Variants in CPEB4 observed in about 807,000 individuals in gnomAD.
CPEB4 encodes the protein cytoplasmic polyadenylation element-binding protein 4.
Under a neutral mutation model 72.5 loss-of-function variants are expected in CPEB4, and 12 were observed. That is an observed-to-expected ratio of 0.17 (90% CI 0.11 to 0.27). CPEB4 has a LOEUF of 0.27. Ranked by LOEUF, CPEB4 falls within the 10% of genes least tolerant of loss-of-function variation. CPEB4 has a pLI of 1.00. For missense variants in CPEB4, 614 were observed against 908.5 expected, an observed-to-expected ratio of 0.68 and a Z score of 4.17; for synonymous variants, 302 against 326.3, an observed-to-expected ratio of 0.93 and a Z score of 0.80.
At position 173,900,486 on chromosome 5, in the gene CPEB4, G is replaced by C. The variant is rs2113143877; in HGVS notation, c.1125+9628G>C. Among the ~76,000 whole-genome samples the C allele has an allele frequency of 6.6e-6, 1 of 152,192 alleles. No homozygotes were observed. Among genetic ancestry groups the C allele is most frequent in the East Asian group, 1.9e-4 (1 of 5,174 alleles). On this transcript the variant is annotated intron_variant, in intron 1 of 9. Transcript: ENST00000265085. The surrounding 1 kb of genome is among the most constrained non-coding windows in gnomAD (Gnocchi z 4.4). ...CCTGCTCAGACCTAGCAGACATGGA[G>C]AACAGGAACTCTAACAGCCAGTTGA...
chr5:173,951,747 T>C, intron 7 of CPEB4, 77 bp from the exon 8 acceptor site: 2 of 804,092 alleles, frequency 2.5e-6, no homozygotes, highest in Non-Finnish European at 4.4e-6. Flanking sequence ...TAAAAATACT[T>C]TGTAATAATT....
chr5:173,948,148 C>T (rs909496802), intron 5 of CPEB4, among the ~76,000 whole-genome samples: 1 of 152,148 alleles, frequency 6.6e-6, no homozygotes, highest in African/African-American at 2.4e-5. Flanking sequence ...ATGGAAAACT[C>T]TTCTACTGCA....
At chr5:173,951,748 T>C in intron 7 of CPEB4, 76 bp from the exon 8 acceptor site, 2 of 807,870 alleles carry the variant, frequency 2.5e-6, no homozygotes, top group South Asian at 1.4e-5. Flanking sequence ...AAAAATACTT[T>C]GTAATAATTG....
intron 1 of CPEB4, among the ~76,000 whole-genome samples, chr5:173,896,342 CA>C (rs1174970471): frequency 1.3e-5 from 2 of 152,054 alleles, no homozygotes; most frequent in African/African-American, 4.8e-5. Context: ...TATGTTTTAC[CA>C]TGATAAATTT....
chr5:173,901,504 C>T (rs76870334), intron 1 of CPEB4, among the ~76,000 whole-genome samples: 2 of 152,310 alleles, frequency 1.3e-5, no homozygotes, highest in East Asian at 1.9e-4. Flanking sequence ...TGCTCGTTGT[C>T]TTCATTCAGG....
At chr5:173,953,429 A>G in intron 9 of CPEB4, 157 bp downstream of exon 9, 2 of 470,078 alleles carry the variant, frequency 4.3e-6, no homozygotes, top group Non-Finnish European at 7.3e-6. Context: ...ATAATGTCCT[A>G]TGAATTTCTT....
At chr5:173,951,639 G>A (rs981566744) in intron 7 of CPEB4, among the ~76,000 whole-genome samples, 185 bp from the exon 8 acceptor site, 10 of 152,162 alleles carry the variant, frequency 6.6e-5, no homozygotes, top group African/African-American at 2.4e-4. Context: ...CCTTGGTTTA[G>A]TTTACTTCTA....
At chr5:173,929,003 A>G (rs1041563294) in intron 2 of CPEB4, among the ~76,000 whole-genome samples, 4 of 152,252 alleles carry the variant, frequency 2.6e-5, no homozygotes, top group Non-Finnish European at 4.4e-5. Flanking sequence ...ACTAGAGACC[A>G]CAATTGATTC....
intron 3 of CPEB4, among the ~76,000 whole-genome samples, chr5:173,934,806 G>A (rs945569564): frequency 3.9e-5 from 6 of 152,192 alleles, no homozygotes; most frequent in Non-Finnish European, 7.3e-5. Context: ...GGGAGGAGAG[G>A]TGTTGAGAAT....
intron 1 of CPEB4, among the ~76,000 whole-genome samples, chr5:173,903,185 C>T (rs1756303584): frequency 6.6e-6 from 1 of 152,142 alleles, no homozygotes; most frequent in African/African-American, 2.4e-5. Flanking sequence ...AGCCACTCAC[C>T]TCTTGATGCT....
intron 2 of CPEB4, among the ~76,000 whole-genome samples, chr5:173,917,584 G>C (rs950088681): frequency 2.0e-5 from 3 of 152,176 alleles, no homozygotes; most frequent in African/African-American, 7.2e-5. Flanking sequence ...AAATTAGCAG[G>C]GCGCGGTAGC....
At chr5:173,921,206 CTGTTTTA>C (rs1757061575) in intron 2 of CPEB4, among the ~76,000 whole-genome samples, 1 of 151,596 alleles carries the variant, frequency 6.6e-6, no homozygotes, top group African/African-American at 2.4e-5. Context: ...TGTTTTTGTT[CTGTTTTA>C]CTTAGGGTAG....
intron 2 of CPEB4, chr5:173,918,120 AT>A (rs1756943696): frequency 6.6e-6 from 1 of 152,254 alleles, no homozygotes; most frequent in East Asian, 1.9e-4. Flanking sequence ...GTGTGTGGCT[AT>A]GTAGGAATGA....
chr5:173,931,704 A>G (rs957025732), intron 2 of CPEB4, among the ~76,000 whole-genome samples: 8 of 152,228 alleles, frequency 5.3e-5, no homozygotes, highest in African/African-American at 1.9e-4. Flanking sequence ...AACTCTTCCA[A>G]AACAGAAATG....
rs1247217593 is a variant in CPEB4, at chr5:173,911,713, T to A, written c.1207+1109T>A. On this transcript the variant is annotated intron_variant, in intron 2 of 9. Coordinates refer to ENST00000265085, the MANE Select transcript of CPEB4 (RefSeq NM_030627.4). ...TTTTTTTTTTTTTTTTTAAGAAACTTAGAATGTTTGGTATATTTGGTCATC... is the reference window on the plus strand; with the variant it reads ...TTTTTTTTTTTTTTTTTAAGAAACTAAGAATGTTTGGTATATTTGGTCATC... 2.1e-5 allele frequency among the ~76,000 whole-genome samples: 3 copies of A among 140,194 alleles called. No homozygotes were observed. In the East Asian group the frequency reaches 6.2e-4, roughly 29 times the overall value. 92.0% of individuals were successfully genotyped at this position (140,194 alleles called of 152,430 possible).
chr5:173,953,343 C>T (rs969518), intron 9 of CPEB4, 71 bp downstream of exon 9: 665,394 of 1,209,040 alleles, frequency 0.55, 186,197 homozygotes, highest in South Asian at 0.6. Context: ...AATATTAGAA[C>T]GGGAGCATTT....
chr5:173,933,458 A>G (rs531127066), intron 3 of CPEB4, among the ~76,000 whole-genome samples: 1 of 152,312 alleles, frequency 6.6e-6, no homozygotes, highest in Non-Finnish European at 1.5e-5. Context: ...ATGTTTGAGA[A>G]TTGCTGGGTA....
intron 3 of CPEB4, among the ~76,000 whole-genome samples, chr5:173,934,800 G>A (rs1474122903): frequency 1.3e-5 from 2 of 152,194 alleles, no homozygotes; most frequent in Admixed American, 1.3e-4. Flanking sequence ...TAGGTAGGGA[G>A]GAGAGGTGTT....
At chr5:173,897,918 A>G (rs1294749394) in intron 1 of CPEB4, among the ~76,000 whole-genome samples, 1 of 152,214 alleles carries the variant, frequency 6.6e-6, no homozygotes, top group African/African-American at 2.4e-5. Flanking sequence ...GTACCACAAA[A>G]GGCAAACTTT....
Sources: gnomAD v4.1 joint callset for allele counts (sites outside exome capture counted in the v4.1 genomes callset) on GRCh38, gnomAD v4.1.1 for gene constraint, Gnocchi (gnomAD v3.1) non-coding constraint, MANE v1.5 for transcripts, NCBI Gene and HGNC (gene_info 2026-07-23, HGNC 2026-07-21) for gene names.